Variants in RBFOX1 observed in about 807,000 individuals in gnomAD.
RBFOX1 encodes RNA binding fox-1 homolog 1, also known as RNA binding protein fox-1 homolog 1.
A neutral mutation model predicts 57.7 loss-of-function variants in RBFOX1; 8 were observed. The ratio of observed to expected loss-of-function variants is 0.14; its 90% confidence interval spans 0.08 to 0.25. RBFOX1 has a LOEUF of 0.25. Among genes scored for constraint, RBFOX1 ranks in the 10% least tolerant of loss-of-function variants. The pLI, the probability that RBFOX1 is intolerant of heterozygous loss-of-function variation, is 1.00. For missense variants in RBFOX1, 611 were observed against 548.5 expected, an observed-to-expected ratio of 1.11 and a Z score of -1.14; for synonymous variants, 326 against 222.4, an observed-to-expected ratio of 1.47 and a Z score of -4.15.
chr16:5,513,681 G>A (rs146763538), intron 2 of RBFOX1, among the ~76,000 whole-genome samples: 2 of 152,264 alleles, frequency 1.3e-5, no homozygotes, highest in Admixed American at 6.5e-5. Context: ...TTTACATCAC[G>A]ATGGGACTCA....
At chr16:6,724,369 C>G (rs2066688754) in intron 3 of RBFOX1, among the ~76,000 whole-genome samples, 1 of 151,956 alleles carries the variant, frequency 6.6e-6, no homozygotes, top group South Asian at 2.1e-4. Context: ...TCCAGCATGC[C>G]CAGCAAATTT....
intron 1 of RBFOX1, among the ~76,000 whole-genome samples, chr16:6,142,288 C>T (rs2096723783): frequency 7.8e-6 from 1 of 128,886 alleles, no homozygotes; most frequent in East Asian, 2.6e-4. Context: ...ATGGCGTGAT[C>T]TTGGCTCACT....
At chr16:6,072,519 A>G (rs1003053544) in intron 1 of RBFOX1, among the ~76,000 whole-genome samples, 7 of 152,088 alleles carry the variant, frequency 4.6e-5, no homozygotes, top group African/African-American at 1.7e-4. Context: ...TTTTTTTTTG[A>G]GAAACATTTA....
chr16:6,264,771 C>G (rs148426873), intron 1 of RBFOX1, among the ~76,000 whole-genome samples: 155 of 152,294 alleles, frequency 1.0e-3, no homozygotes, highest in African/African-American at 3.1e-3. Flanking sequence ...GTTGTCTTTT[C>G]TTAGCATGCC....
At chr16:7,239,400 A>C (rs2093942601) in intron 4 of RBFOX1, among the ~76,000 whole-genome samples, 1 of 152,118 alleles carries the variant, frequency 6.6e-6, no homozygotes, top group African/African-American at 2.4e-5. Context: ...TTGGGAGTCT[A>C]AGGCACCAGA....
chr16:5,500,924 T>C (rs1055473926), intron 2 of RBFOX1, among the ~76,000 whole-genome samples: 2 of 152,224 alleles, frequency 1.3e-5, no homozygotes, highest in Non-Finnish European at 2.9e-5. Flanking sequence ...CAAGGAATTA[T>C]GGCTGGGAGA....
chr16:5,926,094 TG>T (rs1399451262), intron 4 of RBFOX1, among the ~76,000 whole-genome samples: 1 of 152,188 alleles, frequency 6.6e-6, no homozygotes, highest in Non-Finnish European at 1.5e-5. Flanking sequence ...TAAGCCATTA[TG>T]TAAATATCAG....
intron 3 of RBFOX1, among the ~76,000 whole-genome samples, chr16:5,799,241 G>C (rs911100947): frequency 1.3e-5 from 2 of 151,970 alleles, no homozygotes; most frequent in Admixed American, 6.6e-5. Context: ...TACAGTATGG[G>C]GGAAACTGCC....
At chr16:5,907,343 G>A (rs2058485739) in intron 4 of RBFOX1, among the ~76,000 whole-genome samples, 1 of 152,092 alleles carries the variant, frequency 6.6e-6, no homozygotes, top group African/African-American at 2.4e-5. Flanking sequence ...CTCTCTAAGT[G>A]TCAAAGAAGG....
intron 4 of RBFOX1, among the ~76,000 whole-genome samples, chr16:7,106,584 C>T (rs1324066922): frequency 6.6e-6 from 1 of 151,928 alleles, no homozygotes; most frequent in African/African-American, 2.4e-5. Context: ...TCTTTTTAAT[C>T]TTTTAGATAT....
At chr16:7,149,151 A>G (rs1362319926) in intron 4 of RBFOX1, among the ~76,000 whole-genome samples, 1 of 152,176 alleles carries the variant, frequency 6.6e-6, no homozygotes, top group Non-Finnish European at 1.5e-5. Context: ...AGTATTGGAA[A>G]TCATTTCCTA....
intron 1 of RBFOX1, among the ~76,000 whole-genome samples, chr16:6,242,980 G>C (rs1362874160): frequency 6.6e-6 from 1 of 152,098 alleles, no homozygotes; most frequent in Admixed American, 6.6e-5. Context: ...TTTCTTTCTA[G>C]AGAAAAAGCC....
intron 2 of RBFOX1, among the ~76,000 whole-genome samples, chr16:6,628,620 T>C (rs1233148142): frequency 1.3e-5 from 2 of 152,198 alleles, no homozygotes; most frequent in African/African-American, 2.4e-5. Flanking sequence ...CAGCAGGGTG[T>C]AAATCTTTAA....
chr16:6,733,520 T>A (rs918597552), intron 3 of RBFOX1, among the ~76,000 whole-genome samples: 1 of 152,176 alleles, frequency 6.6e-6, no homozygotes, highest in Non-Finnish European at 1.5e-5. Flanking sequence ...TCAACATTTT[T>A]ATAATGAACC....
At chr16:6,733,097 CAG>C (rs1183286232) in intron 3 of RBFOX1, among the ~76,000 whole-genome samples, 2 of 152,066 alleles carry the variant, frequency 1.3e-5, no homozygotes, top group Non-Finnish European at 2.9e-5. Flanking sequence ...ATGCTGAAAA[CAG>C]AAATATATGA....
intron 4 of RBFOX1, among the ~76,000 whole-genome samples, chr16:5,996,272 G>C (rs768655161): frequency 6.6e-6 from 1 of 152,028 alleles, no homozygotes; most frequent in Admixed American, 6.6e-5. Flanking sequence ...CTCTACATCC[G>C]CACCATGGCA....
intron 3 of RBFOX1, among the ~76,000 whole-genome samples, chr16:6,881,535 G>C (rs1603636033): frequency 6.6e-6 from 1 of 152,138 alleles, no homozygotes; most frequent in East Asian, 1.9e-4. Flanking sequence ...GTCTATGCAT[G>C]TCTGTGTCCA....
intron 4 of RBFOX1, among the ~76,000 whole-genome samples, chr16:7,402,137 T>A (rs2098254633): frequency 6.6e-6 from 1 of 152,168 alleles, no homozygotes; most frequent in South Asian, 2.1e-4. Flanking sequence ...TTTGCCAAAT[T>A]GAAAAATATA....
intron 1 of RBFOX1, among the ~76,000 whole-genome samples, chr16:6,281,933 G>A (rs2076418144): frequency 1.3e-5 from 2 of 152,082 alleles, no homozygotes; most frequent in South Asian, 4.1e-4. Flanking sequence ...AGAGAAAAGT[G>A]GAAGAAAATT....
Sources: gnomAD v4.1 joint callset for allele counts (sites outside exome capture counted in the v4.1 genomes callset) on GRCh38, gnomAD v4.1.1 for gene constraint, MANE v1.5 for transcripts, NCBI Gene and HGNC (gene_info 2026-07-23, HGNC 2026-07-21) for gene names.